Variants in AIG1 observed in about 807,000 individuals in gnomAD.
AIG1 encodes androgen-induced gene 1 protein.
In AIG1, 23 loss-of-function variants were observed where a neutral mutation model predicts 31.4. The ratio of observed to expected loss-of-function variants is 0.73; its 90% confidence interval spans 0.53 to 1.04. The LOEUF (loss-of-function observed/expected upper bound fraction) is 1.04, where lower values mean the gene tolerates loss of function less well. Ranked by LOEUF, AIG1 falls within the 50% of genes least tolerant of loss-of-function variation. The pLI is 0.00. For missense variants in AIG1, 274 were observed against 295.0 expected, an observed-to-expected ratio of 0.93 and a Z score of 0.52; for synonymous variants, 100 against 110.5, an observed-to-expected ratio of 0.90 and a Z score of 0.60.
At chr6:143,283,244 T>C (rs1327000363) in intron 3 of AIG1, among the ~76,000 whole-genome samples, 1 of 152,238 alleles carries the variant, frequency 6.6e-6, no homozygotes, top group Non-Finnish European at 1.5e-5. Context: ...TCCAATAAAC[T>C]TAGTGTCTAG....
intron 3 of AIG1, among the ~76,000 whole-genome samples, chr6:143,172,663 G>A (rs1017771382): frequency 6.6e-6 from 1 of 152,058 alleles, no homozygotes; most frequent in African/African-American, 2.4e-5. Context: ...TCTTTGAATG[G>A]CTGATAGAAT....
At chr6:143,306,007 G>T (rs1799271509) in intron 4 of AIG1, among the ~76,000 whole-genome samples, 2 of 149,916 alleles carry the variant, frequency 1.3e-5, no homozygotes, top group African/African-American at 4.9e-5. Context: ...TTTGATCTTT[G>T]TTGGTTTAAA....
chr6:143,069,075 C>T (rs897544851), intron 1 of AIG1, among the ~76,000 whole-genome samples: 13 of 151,128 alleles, frequency 8.6e-5, no homozygotes, highest in South Asian at 4.2e-4. Flanking sequence ...AGTGCACTGG[C>T]GTGATCTCGG....
intron 1 of AIG1, among the ~76,000 whole-genome samples, chr6:143,088,406 A>G (rs1778997029): frequency 1.3e-5 from 2 of 152,348 alleles, no homozygotes; most frequent in South Asian, 4.1e-4. Flanking sequence ...TTACTTCTGT[A>G]TCAGCCCAAG....
rs115209800 is a variant in AIG1 at position 143,104,988 on chromosome 6, T to C, written c.142-31847T>C. Among the ~76,000 whole-genome samples, 499 of 152,280 alleles carry C rather than the reference T, an allele frequency of 3.3e-3. 3 individuals are homozygous for C. Among genetic ancestry groups the C allele is most frequent in the African/African-American group, 0.011 (439 of 41,560 alleles). Reference sequence around the variant, plus strand: ...AATTGAACTCCAAAGGTGAGGCTTGTCTATGCTGGGCATAAAATGGCATAT... The same window carrying C: ...AATTGAACTCCAAAGGTGAGGCTTGCCTATGCTGGGCATAAAATGGCATAT... On this transcript the variant is annotated intron_variant, in intron 1 of 5. Coordinates refer to ENST00000357847, the MANE Select transcript of AIG1 (RefSeq NM_016108.4).
intron 1 of AIG1, among the ~76,000 whole-genome samples, chr6:143,094,538 T>C (rs1263932305): frequency 1.3e-5 from 2 of 152,182 alleles, no homozygotes; most frequent in African/African-American, 2.4e-5. Flanking sequence ...ACCTTCTCAA[T>C]AGAGCTGAGG....
chr6:143,071,902 G>A (rs1197373409), intron 1 of AIG1, among the ~76,000 whole-genome samples: 3 of 151,972 alleles, frequency 2.0e-5, no homozygotes, highest in East Asian at 3.9e-4. Context: ...TCCTACCTCA[G>A]CCTCCCGAGT....
At chr6:143,309,159 C>T (rs986563788) in intron 4 of AIG1, among the ~76,000 whole-genome samples, 5 of 151,896 alleles carry the variant, frequency 3.3e-5, no homozygotes, top group African/African-American at 4.8e-5. Flanking sequence ...AGACAAAAGC[C>T]GTCAACCTAG....
intron 3 of AIG1, chr6:143,188,911 CG>C (rs1248812979): frequency 1.0e-6 from 1 of 984,388 alleles, no homozygotes; most frequent in African/African-American, 1.7e-5. Flanking sequence ...AAAATTAATG[CG>C]TTTTTTTCTT....
At chr6:143,253,486 T>TTTG (rs1452997640) in intron 3 of AIG1, among the ~76,000 whole-genome samples, 9 of 152,234 alleles carry the variant, frequency 5.9e-5, no homozygotes, top group Admixed American at 5.9e-4. Flanking sequence ...TTTCAGTTAA[T>TTTG]TTGTCTTCAG....
intron 2 of AIG1, among the ~76,000 whole-genome samples, chr6:143,150,976 G>A (rs1785173667): frequency 6.6e-6 from 1 of 152,124 alleles, no homozygotes; most frequent in African/African-American, 2.4e-5. Context: ...AGGGAATTCA[G>A]GTAGACCAAA....
intron 3 of AIG1, among the ~76,000 whole-genome samples, chr6:143,166,315 C>T (rs1786937057): frequency 6.6e-6 from 1 of 152,098 alleles, no homozygotes; most frequent in Non-Finnish European, 1.5e-5. Flanking sequence ...ATTTAGCCAT[C>T]CACGGGGCCT....
At chr6:143,278,499 C>T (rs1306437751) in intron 3 of AIG1, among the ~76,000 whole-genome samples, 3 of 143,616 alleles carry the variant, frequency 2.1e-5, no homozygotes, top group Admixed American at 7.1e-5. Flanking sequence ...GACTGAGTCT[C>T]GCTCTGTCAC....
chr6:143,074,735 G>A lies in AIG1; in HGVS notation c.141+13669G>A, dbSNP rs547139850. On this transcript the variant is annotated intron_variant, in intron 1 of 5. Coordinates refer to ENST00000357847, the MANE Select transcript of AIG1 (RefSeq NM_016108.4). ...GAATGCTACTTGGTTATGAGGTATTGCTCATTTTAGATATAGCTGGATTTA... is the reference window on the plus strand; with the variant it reads ...GAATGCTACTTGGTTATGAGGTATTACTCATTTTAGATATAGCTGGATTTA... Among the ~76,000 whole-genome samples, 337 of 152,254 alleles carry A rather than the reference G, an allele frequency of 2.2e-3. 2 individuals carry two copies. The highest frequency in any genetic ancestry group is 7.5e-3 in the African/African-American group (311 of 41,546).
chr6:143,095,211 A>G (rs545243467), intron 1 of AIG1, among the ~76,000 whole-genome samples: 5 of 152,312 alleles, frequency 3.3e-5, no homozygotes, highest in Admixed American at 1.3e-4. Context: ...CGTGAGGTAA[A>G]GAGAATGGAA....
chr6:143,287,694 C>T (rs1797776923), intron 4 of AIG1, among the ~76,000 whole-genome samples: 1 of 128,504 alleles, frequency 7.8e-6, no homozygotes, highest in Non-Finnish European at 1.5e-5. Flanking sequence ...TGGAAAGACA[C>T]TGTTATTGTA....
At chr6:143,218,396 A>G (rs1792197442) in intron 3 of AIG1, among the ~76,000 whole-genome samples, 1 of 152,228 alleles carries the variant, frequency 6.6e-6, no homozygotes, top group Admixed American at 6.5e-5. Flanking sequence ...ACCTTTCCCT[A>G]CATGCCAGGA....
chr6:143,158,369 G>T (rs532337643), intron 2 of AIG1, among the ~76,000 whole-genome samples: 7 of 152,258 alleles, frequency 4.6e-5, no homozygotes, highest in Non-Finnish European at 1.0e-4. Flanking sequence ...TTCAGGGTTT[G>T]CCACCTGTAA....
chr6:143,143,282 G>A (rs1038403080), intron 2 of AIG1, among the ~76,000 whole-genome samples: 1 of 150,534 alleles, frequency 6.6e-6, no homozygotes, highest in Non-Finnish European at 1.5e-5. Flanking sequence ...TGATCATGAG[G>A]TCAGGAGATC....
Sources: allele counts gnomAD v4.1 joint callset (sites outside exome capture counted in the v4.1 genomes callset), GRCh38; gene constraint gnomAD v4.1.1; transcripts MANE v1.5; gene names NCBI Gene and HGNC (gene_info 2026-07-23, HGNC 2026-07-21).